PHF14: variants seen among roughly 807,000 people sequenced by gnomAD.
PHF14 encodes the protein PHD finger protein 14.
Under a neutral mutation model 117.9 loss-of-function variants are expected in PHF14, and 55 were observed. That is an observed-to-expected ratio of 0.47 (90% CI 0.38 to 0.58). The LOEUF (loss-of-function observed/expected upper bound fraction) is 0.58, where lower values mean the gene tolerates loss of function less well. PHF14 is among the 20% of genes least tolerant of loss of function. PHF14 has a pLI of 0.00. For synonymous variants in PHF14, 409 were observed against 368.6 expected, an observed-to-expected ratio of 1.11 and a Z score of -1.26; for missense variants, 978 against 1,122.2, an observed-to-expected ratio of 0.87 and a Z score of 1.84.
rs1180753690 is a variant in PHF14, at chr7:11,017,545, T to G, written c.1205+3639T>G. 3.9e-5 allele frequency among the ~76,000 whole-genome samples: 6 copies of G among 152,284 alleles called. No individual in the cohort carries two copies. The South Asian group carries it at 1.0e-3, about 26-fold the overall frequency. On this transcript the variant is annotated intron_variant, in intron 5 of 17. Transcript: ENST00000634607. ...GTTTTAGCATATGAGCTTCTTTTTATATGTCTTTTTTTGAGAAATGTCTAT... is the reference window on the plus strand; with the variant it reads ...GTTTTAGCATATGAGCTTCTTTTTAGATGTCTTTTTTTGAGAAATGTCTAT...
intron 13 of PHF14, among the ~76,000 whole-genome samples, chr7:11,049,830 G>A (rs1159928194): frequency 3.9e-5 from 6 of 152,066 alleles, no homozygotes; most frequent in Admixed American, 2.0e-4. Flanking sequence ...TAATATATTC[G>A]TTTAGTTGTG....
At chr7:11,094,320 G>T (rs1440779433) in intron 16 of PHF14, among the ~76,000 whole-genome samples, 1 of 152,136 alleles carries the variant, frequency 6.6e-6, no homozygotes, top group Non-Finnish European at 1.5e-5. Context: ...CAGCAAGGCT[G>T]GTTTCTTCTA....
At chr7:11,156,331 C>T (rs6460789) in intron 17 of PHF14, among the ~76,000 whole-genome samples, 82,210 of 151,956 alleles carry the variant, frequency 0.54, 24,298 homozygotes, top group East Asian at 0.82. Flanking sequence ...TTCTTTTTAA[C>T]CCATGAAAAA....
chr7:10,986,232 C>A (rs190150160), intron 3 of PHF14, among the ~76,000 whole-genome samples: 2 of 151,790 alleles, frequency 1.3e-5, no homozygotes, highest in East Asian at 3.9e-4. Flanking sequence ...AGTCCTCCTG[C>A]TTCTGCCTTC....
At chr7:11,067,653 G>C (rs13241511) in intron 16 of PHF14, among the ~76,000 whole-genome samples, 89,063 of 152,080 alleles carry the variant, frequency 0.59, 27,929 homozygotes, top group East Asian at 0.85. Context: ...ATACCTGAGG[G>C]TGGATAATTG....
intron 17 of PHF14, among the ~76,000 whole-genome samples, chr7:11,134,710 A>G (rs1788171045): frequency 6.6e-6 from 1 of 152,094 alleles, no homozygotes; most frequent in South Asian, 2.1e-4. Context: ...TCAGTCTATC[A>G]TTAAGCACTT....
intron 17 of PHF14, among the ~76,000 whole-genome samples, chr7:11,143,550 C>T (rs1005152970): frequency 6.6e-6 from 1 of 151,946 alleles, no homozygotes; most frequent in Non-Finnish European, 1.5e-5. Context: ...ATGTTTATTA[C>T]AGATTATTTG....
At chr7:11,052,321 A>G (rs1784873510) in intron 14 of PHF14, among the ~76,000 whole-genome samples, 1 of 152,144 alleles carries the variant, frequency 6.6e-6, no homozygotes, top group South Asian at 2.1e-4. Context: ...GTTGTAGTTT[A>G]TTTATTGTCA....
At chr7:11,143,728 G>A (rs1788463337) in intron 17 of PHF14, among the ~76,000 whole-genome samples, 1 of 151,848 alleles carries the variant, frequency 6.6e-6, no homozygotes, top group Admixed American at 6.6e-5. Flanking sequence ...ATAGTACAGG[G>A]GAATACTCTG....
intron 6 of PHF14, among the ~76,000 whole-genome samples, chr7:11,026,604 T>A (rs1034023008): frequency 2.0e-5 from 3 of 152,274 alleles, no homozygotes; most frequent in African/African-American, 7.2e-5. Flanking sequence ...GGAACCAAAG[T>A]AAGGAAATTA....
Position 11,038,802 on chromosome 7 carries a change from C to G in PHF14, c.2023C>G (p.Leu675Val). 6.3e-7 allele frequency: 1 copy of G among 1,598,542 alleles called. No homozygotes were observed. Among genetic ancestry groups the G allele is most frequent in the Non-Finnish European group, 8.5e-7 (1 of 1,170,972 alleles). ...LEELQNLNGK[L>V]RSEGQGIWAL... is the part of the protein sequence containing the mutation. ...AGAACTACAAAACCTGAATGGAAAACTTCGAAGTGAAGGACAAGGAATATG... is the reference window on the plus strand; with the variant it reads ...AGAACTACAAAACCTGAATGGAAAAGTTCGAAGTGAAGGACAAGGAATATG... Residue 675 changes from leucine (L) to valine (V), a missense_variant, in exon 11 of 18, where the codon CTT (leucine) becomes GTT (valine). Leu to Val is a conservative substitution (Grantham distance 32). Coordinates refer to ENST00000634607, the MANE Select transcript of PHF14 (RefSeq NM_001007157.2).
At chr7:11,153,071 G>A (rs1788745711) in intron 17 of PHF14, among the ~76,000 whole-genome samples, 1 of 152,174 alleles carries the variant, frequency 6.6e-6, no homozygotes, top group South Asian at 2.1e-4. Context: ...TTCCAAGCAT[G>A]GGTGGATTGT....
rs139272326 is a variant in PHF14 at position 11,079,797 on chromosome 7, C to G, written c.2654+17712C>G. 2.9e-3 allele frequency among the ~76,000 whole-genome samples: 439 copies of G among 151,960 alleles called. 2 individuals are homozygous for G. Among genetic ancestry groups the G allele is most frequent in the African/African-American group, 9.9e-3 (409 of 41,474 alleles). On this transcript the variant is annotated intron_variant, in intron 16 of 17. Transcript: ENST00000634607. ...ATTATCAAAAATGATTTTGTTTGTT[C>G]TTTACAGTTAATTTTTTTTTCTTCA...
At chr7:10,997,665 A>C (rs1185732752) in intron 4 of PHF14, among the ~76,000 whole-genome samples, 1 of 152,316 alleles carries the variant, frequency 6.6e-6, no homozygotes, top group South Asian at 2.1e-4. Context: ...TTCTAAGCTA[A>C]GTCAAATAGT....
At chr7:10,988,260 A>G (rs1442779068) in intron 3 of PHF14, among the ~76,000 whole-genome samples, 1 of 152,148 alleles carries the variant, frequency 6.6e-6, no homozygotes, top group African/African-American at 2.4e-5. Context: ...TCTAAATGAT[A>G]ATAGATGTGG....
At chr7:11,038,675 A>G (rs1307749458) in intron 10 of PHF14, 85 bp from the exon 11 acceptor site, 12 of 375,378 alleles carry the variant, frequency 3.2e-5, no homozygotes, top group Non-Finnish European at 5.0e-5. Context: ...AAAAAATTAT[A>G]TATATATATG....
At chr7:11,161,320 G>C (rs2067829587) in intron 17 of PHF14, among the ~76,000 whole-genome samples, 1 of 152,046 alleles carries the variant, frequency 6.6e-6, no homozygotes, top group Non-Finnish European at 1.5e-5. Context: ...CAGTGAGAAG[G>C]ATAAACAAAA....
At chr7:11,066,093 A>G (rs969700516) in intron 16 of PHF14, among the ~76,000 whole-genome samples, 3 of 152,166 alleles carry the variant, frequency 2.0e-5, no homozygotes, top group African/African-American at 2.4e-5. Flanking sequence ...TAGGGTGTCA[A>G]TTTGGTCTGT....
In PHF14 at chr7:10,993,171, C is replaced by G. The variant is rs550723714; in HGVS notation, c.1045+2324C>G. On this transcript the variant is annotated intron_variant, in intron 4 of 17. Coordinates refer to ENST00000634607, the MANE Select transcript of PHF14 (RefSeq NM_001007157.2). ...TTTGATCACTTGGTTGAGAGGGTGT[C>G]TTTCTGGTTTATCTGTGGTAAAGTT... is the stretch of plus-strand genomic sequence containing the variant. 5.3e-5 allele frequency among the ~76,000 whole-genome samples: 8 copies of G among 152,024 alleles called. No individual in the cohort carries two copies. The South Asian group carries it at 1.5e-3, about 28-fold the overall frequency.
Sources: gnomAD v4.1 joint callset for allele counts (sites outside exome capture counted in the v4.1 genomes callset) on GRCh38, gnomAD v4.1.1 for gene constraint, MANE v1.5 for transcripts, NCBI Gene and HGNC (gene_info 2026-07-23, HGNC 2026-07-21) for gene names.